The following TANC2 variants were observed in gnomAD, a reference collection of about 807,000 sequenced individuals.
TANC2 encodes the protein protein TANC2.
In TANC2, 26 loss-of-function variants were observed where a neutral mutation model predicts 210.5. The ratio of observed to expected loss-of-function variants is 0.12; its 90% CI spans 0.09 to 0.17. The LOEUF (loss-of-function observed/expected upper bound fraction) is 0.17. TANC2 is among the 10% of genes least tolerant of loss of function. TANC2 has a pLI of 1.00. For missense variants in TANC2, 2,129 were observed against 2,608.9 expected (o/e 0.82, Z 4.01); for synonymous variants, 931 against 967.1 (o/e 0.96, Z 0.69).
chr17:63,356,347 AAAG>A (rs2046782282), intron 14 of TANC2, among the ~76,000 whole-genome samples: 1 of 152,150 alleles, frequency 6.6e-6, no homozygotes, highest in Non-Finnish European at 1.5e-5. Context: ...TCATGGAAAC[AAAG>A]AAGACACCAA....
At chr17:63,180,373 A>G (rs960086667) in intron 5 of TANC2, among the ~76,000 whole-genome samples, 2 of 152,236 alleles carry the variant, frequency 1.3e-5, no homozygotes, top group Non-Finnish European at 2.9e-5. Flanking sequence ...AAGATCCAAA[A>G]TATAATTGGA....
At chr17:63,255,950 G>T (rs1598718595) in intron 8 of TANC2, among the ~76,000 whole-genome samples, 1 of 121,428 alleles carries the variant, frequency 8.2e-6, no homozygotes, top group Non-Finnish European at 1.6e-5. Flanking sequence ...CTGTTGCCCT[G>T]GCTGGAGTGC....
chr17:63,075,280 C>A (rs892699140), intron 3 of TANC2, among the ~76,000 whole-genome samples: 1 of 152,102 alleles, frequency 6.6e-6, no homozygotes, highest in South Asian at 2.1e-4. Flanking sequence ...TGTTTGAAAT[C>A]ACTTATCTAA....
chr17:63,082,891 G>A (rs575722817), intron 3 of TANC2, among the ~76,000 whole-genome samples: 52 of 152,284 alleles, frequency 3.4e-4, no homozygotes, highest in African/African-American at 1.2e-3. Flanking sequence ...CTCTTTGTCA[G>A]GTATTCACAT....
chr17:63,048,057 G>A (rs1002834356), intron 2 of TANC2, among the ~76,000 whole-genome samples: 5 of 152,144 alleles, frequency 3.3e-5, no homozygotes, highest in Admixed American at 2.0e-4. Flanking sequence ...AGATAAAGGC[G>A]TTTCTTTACC....
chr17:63,009,176 A>G (rs953065314), intron 1 of TANC2, among the ~76,000 whole-genome samples: 2 of 151,884 alleles, frequency 1.3e-5, no homozygotes, highest in Non-Finnish European at 2.9e-5. Flanking sequence ...ATAGTTGTAT[A>G]TATTTATGGG....
At chr17:63,351,976 T>C (rs1287006286) in intron 13 of TANC2, among the ~76,000 whole-genome samples, 1 of 152,082 alleles carries the variant, frequency 6.6e-6, no homozygotes, top group Non-Finnish European at 1.5e-5. Context: ...CTAATTACTT[T>C]CCCTTCTCAC....
At chr17:63,218,845 G>A (rs920825698) in intron 7 of TANC2, among the ~76,000 whole-genome samples, 3 of 152,032 alleles carry the variant, frequency 2.0e-5, no homozygotes, top group African/African-American at 4.8e-5. Flanking sequence ...AGTGAGCTGA[G>A]ATCACGCCAC....
intron 5 of TANC2, among the ~76,000 whole-genome samples, chr17:63,166,297 TC>T (rs1488306071): frequency 6.6e-6 from 1 of 150,598 alleles, no homozygotes; most frequent in Non-Finnish European, 1.5e-5. Flanking sequence ...AAAATTGTAT[TC>T]CTAGATAGCA....
intron 5 of TANC2, among the ~76,000 whole-genome samples, chr17:63,179,336 A>G (rs2040697969): frequency 6.6e-6 from 1 of 152,198 alleles, no homozygotes; most frequent in Admixed American, 6.5e-5. Flanking sequence ...CAAGAACCAG[A>G]TTGCTTGGAC....
At chr17:62,996,570 A>G (rs905270607) in intron 1 of TANC2, among the ~76,000 whole-genome samples, 5 of 152,078 alleles carry the variant, frequency 3.3e-5, no homozygotes, top group Middle Eastern at 3.2e-3. Flanking sequence ...GAGCTGCCCA[A>G]TTTGTGAATC....
exon 16 of TANC2, chr17:63,388,692 T>C (rs1197110814): frequency 6.2e-7 from 1 of 1,605,368 alleles, no homozygotes; most frequent in Admixed American, 1.7e-5. Context: ...CTGGATCTCT[T>C]ATAGCACAGA....
At chr17:63,033,453 TG>T (rs1479365249) in intron 2 of TANC2, among the ~76,000 whole-genome samples, 1 of 152,130 alleles carries the variant, frequency 6.6e-6, no homozygotes, top group Non-Finnish European at 1.5e-5. Flanking sequence ...TAGTAGCTCT[TG>T]TGTCTATTAC....
chr17:63,040,077 G>A (rs1231689186), intron 2 of TANC2, among the ~76,000 whole-genome samples: 3 of 152,076 alleles, frequency 2.0e-5, no homozygotes, highest in East Asian at 3.8e-4. Context: ...CATTAGTAGC[G>A]CACTCTGTGG....
chr17:63,313,972 G>A (rs1347748900), intron 9 of TANC2, among the ~76,000 whole-genome samples: 1 of 152,160 alleles, frequency 6.6e-6, no homozygotes, highest in Non-Finnish European at 1.5e-5. Flanking sequence ...CTTTCCAACA[G>A]GAACTTCACT....
At chr17:63,335,435 A>AC in intron 11 of TANC2, among the ~76,000 whole-genome samples, 1 of 152,052 alleles carries the variant, frequency 6.6e-6, no homozygotes, top group Admixed American at 6.5e-5. Flanking sequence ...ATATAGTGAA[A>AC]CCCCACCTCT....
chr17:63,021,390 T>G (rs1310674977), intron 2 of TANC2, among the ~76,000 whole-genome samples: 1 of 152,164 alleles, frequency 6.6e-6, no homozygotes, highest in Admixed American at 6.5e-5. Flanking sequence ...ATTAATGTCT[T>G]TCTTGTGAGA....
Position 63,395,848 on chromosome 17 carries a change from G to A in TANC2, c.3157G>A (p.Gly1053Ser), listed in dbSNP as rs755699792. The change falls in exon 18 of 28, where the codon GGC becomes AGC. Residue 1053 changes from glycine to serine, a missense_variant. Physicochemically the swap from Gly to Ser is moderately conservative, Grantham distance 56 (BLOSUM62 0). This residue lies in a region of TANC2 where 644 missense variants were observed against 937.5 expected (regional missense o/e 0.69). Transcript: ENST00000689528. ...GATTCAGTGTGACTGGACGATGGCC[G>A]GCCAGCAGCAAGGAGTATTTAAGAA... The A allele has an allele frequency of 8.7e-6, 14 of 1,611,700 alleles. No individual in the cohort carries two copies. In the Middle Eastern group the frequency reaches 6.6e-4, roughly 76 times the overall value.
At chr17:63,153,513 A>T (rs2039728966) in intron 5 of TANC2, 1 of 152,158 alleles carries the variant, frequency 6.6e-6, no homozygotes, top group African/African-American at 2.4e-5. Flanking sequence ...CCAAATGCAG[A>T]TTGGTGGGCC....
Sources: gnomAD v4.1 joint callset for allele counts (sites outside exome capture counted in the v4.1 genomes callset) on GRCh38, gnomAD v4.1.1 for gene constraint, gnomAD v4.1.1 regional missense constraint, MANE v1.5 for transcripts, NCBI Gene and HGNC (gene_info 2026-07-23, HGNC 2026-07-21) for gene names.